P3H2: variants seen among roughly 807,000 people sequenced by gnomAD.
The protein encoded by P3H2 is leprecan-like 1.
In P3H2, 80 loss-of-function variants were observed where a neutral mutation model predicts 87.0. The observed-to-expected ratio is 0.92, with a 90% CI of 0.77 to 1.11. P3H2 has a LOEUF of 1.11. Ranked by LOEUF, P3H2 falls within the 50% of genes least tolerant of loss-of-function variation. The pLI is 0.00. For synonymous variants in P3H2, 367 were observed against 359.3 expected, an observed-to-expected ratio of 1.02 and a Z score of -0.24; for missense variants, 1,001 against 923.9, an observed-to-expected ratio of 1.08 and a Z score of -1.08.
upstream of P3H2, chr3:190,122,080 C>CTCAAAA (rs1712628125): frequency 9.4e-6 from 1 of 105,950 alleles, no homozygotes; most frequent in African/African-American, 4.0e-5. Flanking sequence ...GACTCCGTCT[C>CTCAAAA]AAAAACAAAA....
At chr3:189,989,598 T>A (rs906690532) in intron 3 of P3H2, among the ~76,000 whole-genome samples, 1 of 152,192 alleles carries the variant, frequency 6.6e-6, no homozygotes, top group Non-Finnish European at 1.5e-5. Flanking sequence ...TCTTTTTTTT[T>A]AAACCTATTG....
At chr3:189,961,491 T>C (rs905342378) in intron 14 of P3H2, among the ~76,000 whole-genome samples, 16 of 152,074 alleles carry the variant, frequency 1.1e-4, no homozygotes, top group Non-Finnish European at 1.9e-4. Flanking sequence ...GACTTGTTCA[T>C]AGGTAGGCAT....
chr3:189,978,836 C>T (rs1411404338), intron 8 of P3H2, among the ~76,000 whole-genome samples: 1 of 152,068 alleles, frequency 6.6e-6, no homozygotes, highest in South Asian at 2.1e-4. Flanking sequence ...AAAATGTAGT[C>T]CAATAAATTG....
intron 1 of P3H2, among the ~76,000 whole-genome samples, chr3:190,021,359 G>C (rs1724922833): frequency 7.4e-6 from 1 of 134,436 alleles, no homozygotes; most frequent in African/African-American, 2.6e-5. Context: ...ATTTCCTTAA[G>C]ATTGAAAAAG....
intron 1 of P3H2, among the ~76,000 whole-genome samples, chr3:190,114,034 G>C (rs1213059837): frequency 1.3e-4 from 16 of 125,020 alleles, no homozygotes; most frequent in African/African-American, 2.9e-4. Flanking sequence ...GAGCCGAGAT[G>C]TCGCCACCAC....
intron 1 of P3H2, among the ~76,000 whole-genome samples, chr3:190,025,014 T>G (rs1725044857): frequency 6.6e-6 from 1 of 152,096 alleles, no homozygotes; most frequent in Admixed American, 6.5e-5. Flanking sequence ...TTAAAAAGAC[T>G]CTTAAAGGAA....
chr3:190,097,855 A>G (rs1160825705), intron 1 of P3H2, among the ~76,000 whole-genome samples: 1 of 152,162 alleles, frequency 6.6e-6, no homozygotes, highest in Non-Finnish European at 1.5e-5. Flanking sequence ...AGGAGGTCAG[A>G]GGCCTTAAAC....
intron 1 of P3H2, among the ~76,000 whole-genome samples, chr3:190,057,998 T>C (rs1726212184): frequency 1.3e-5 from 2 of 152,030 alleles, no homozygotes; most frequent in African/African-American, 4.8e-5. Context: ...ATGGGAATAT[T>C]AGAGACAGAG....
intron 8 of P3H2, among the ~76,000 whole-genome samples, chr3:189,976,469 T>C (rs1239587338): frequency 1.3e-5 from 2 of 152,146 alleles, no homozygotes; most frequent in African/African-American, 2.4e-5. Flanking sequence ...GTGAGACTTA[T>C]TCACTACCAG....
At chr3:190,026,211 T>G (rs1302761714) in intron 1 of P3H2, among the ~76,000 whole-genome samples, 1 of 152,100 alleles carries the variant, frequency 6.6e-6, no homozygotes, top group Non-Finnish European at 1.5e-5. Context: ...AAAAGTCAAA[T>G]TTTGGGGAAT....
chr3:189,972,432 A>G (rs1473560715), intron 11 of P3H2, among the ~76,000 whole-genome samples: 2 of 152,218 alleles, frequency 1.3e-5, no homozygotes, highest in Non-Finnish European at 2.9e-5. Flanking sequence ...TCAGAGGGGC[A>G]TAAGACATAG....
chr3:190,079,434 G>A (rs1417425327), intron 1 of P3H2, among the ~76,000 whole-genome samples: 2 of 152,020 alleles, frequency 1.3e-5, no homozygotes, highest in Non-Finnish European at 2.9e-5. Context: ...CCACAAAGAA[G>A]TATTGTGAGA....
chr3:190,079,714 G>T (rs1726985422), intron 1 of P3H2, among the ~76,000 whole-genome samples: 1 of 152,142 alleles, frequency 6.6e-6, no homozygotes, highest in African/African-American at 2.4e-5. Flanking sequence ...GAATGCATTA[G>T]CCATTGAACC....
chr3:190,031,154 AAAC>A (rs968269065), intron 1 of P3H2, among the ~76,000 whole-genome samples: 20 of 152,218 alleles, frequency 1.3e-4, no homozygotes, highest in African/African-American at 3.6e-4. Context: ...AATAAACATA[AAAC>A]AACAAGACTA....
At chr3:190,021,742 T>C (rs960600982) in intron 1 of P3H2, among the ~76,000 whole-genome samples, 1 of 134,828 alleles carries the variant, frequency 7.4e-6, no homozygotes, top group African/African-American at 2.6e-5. Flanking sequence ...AATAAATCTT[T>C]AATGAGTGCC....
At position 190,050,647 on chromosome 3, in the gene P3H2, A is replaced by T. The variant is rs563609459; in HGVS notation, c.481-55205T>A. On this transcript the variant is annotated intron_variant, in intron 1 of 14. Coordinates refer to ENST00000319332, the MANE Select transcript of P3H2 (RefSeq NM_018192.4). ...TGTATGATCATTTGTTTGTGTATAT[A>T]TGAGTTTTTTGAGGAATATTAGGAA... 6.6e-5 allele frequency among the ~76,000 whole-genome samples: 10 copies of T among 152,270 alleles called. No homozygotes were observed. The South Asian group carries it at 1.4e-3, about 22-fold the overall frequency.
chr3:190,116,602 T>C (rs889128482), intron 1 of P3H2: 8 of 151,814 alleles, frequency 5.3e-5, no homozygotes, highest in African/African-American at 1.9e-4. Context: ...GGCGGCAGAG[T>C]TGGGGAAGAT....
At chr3:189,983,233 T>C (rs897239028) in intron 7 of P3H2, 93 bp from the exon 8 acceptor site, 5 of 923,094 alleles carry the variant, frequency 5.4e-6, no homozygotes, top group East Asian at 4.8e-5. Flanking sequence ...TGTGACTCTA[T>C]ATTGTGTATT....
chr3:189,957,144 C>T lies in P3H2; in HGVS notation c.*768G>A. On this transcript the variant is annotated 3_prime_UTR_variant, in exon 15 of 15. Transcript: ENST00000319332. ...GGCCCTGGAAAGACTGAAGTCCCCT[C>T]TGTCTCATACAGTAATCATCCATGA... The T allele has an allele frequency of 2.5e-6, 1 of 398,568 alleles. No individual in the cohort carries two copies. The highest frequency in any genetic ancestry group is 4.4e-6 in the Non-Finnish European group (1 of 226,098). 24.7% of individuals were successfully genotyped at this position (398,568 alleles called of 1,614,324 possible). A position where few individuals can be genotyped will look rare whatever the true frequency, so the allele number is the denominator to read the frequency against.
Sources: gnomAD v4.1 joint callset for allele counts (sites outside exome capture counted in the v4.1 genomes callset) on GRCh38, gnomAD v4.1.1 for gene constraint, MANE v1.5 for transcripts, NCBI Gene and HGNC (gene_info 2026-07-23, HGNC 2026-07-21) for gene names.